Variants in GRM7 observed in about 807,000 individuals in gnomAD.
The protein encoded by GRM7 is metabotropic glutamate receptor 7.
A neutral mutation model predicts 84.5 loss-of-function variants in GRM7; 35 were observed. That is an observed-to-expected ratio of 0.41 (90% CI 0.32 to 0.55). The LOEUF is 0.55. GRM7 is among the 20% of genes least tolerant of loss of function. The probability of loss-of-function intolerance (pLI) is 0.19; values close to 1 mark genes in which losing one functional copy is unlikely to be tolerated. For missense variants in GRM7, 1,003 were observed against 1,194.6 expected, an observed-to-expected ratio of 0.84 and a Z score of 2.36; for synonymous variants, 487 against 455.1, an observed-to-expected ratio of 1.07 and a Z score of -0.89.
At chr3:7,547,805 A>C (rs1047875483) in intron 7 of GRM7, among the ~76,000 whole-genome samples, 3 of 152,258 alleles carry the variant, frequency 2.0e-5, no homozygotes, top group Non-Finnish European at 2.9e-5. Flanking sequence ...AGATAAAAGA[A>C]TAAATTCTCC....
intron 9 of GRM7, among the ~76,000 whole-genome samples, chr3:7,698,632 G>A (rs1701111001): frequency 1.3e-5 from 2 of 152,162 alleles, no homozygotes; most frequent in South Asian, 4.1e-4. Flanking sequence ...TTTCAACCAT[G>A]GCACTACTGA....
chr3:7,301,163 G>GC (rs1553553964), intron 3 of GRM7, among the ~76,000 whole-genome samples: 3 of 151,690 alleles, frequency 2.0e-5, no homozygotes, highest in Non-Finnish European at 4.4e-5. Context: ...TGCTCACGAT[G>GC]TTTTTTTCTC....
intron 8 of GRM7, among the ~76,000 whole-genome samples, chr3:7,601,424 G>A (rs542603713): frequency 4.0e-5 from 6 of 151,850 alleles, no homozygotes; most frequent in Admixed American, 3.3e-4. Flanking sequence ...CAAGGTTCTT[G>A]GTAAACTTCA....
intron 7 of GRM7, among the ~76,000 whole-genome samples, chr3:7,464,692 G>A (rs796658176): frequency 3.3e-5 from 5 of 152,154 alleles, no homozygotes; most frequent in African/African-American, 1.2e-4. Flanking sequence ...GCCGGGCATG[G>A]TGGCGGGCGC....
At chr3:6,990,658 A>C (rs79289302) in intron 1 of GRM7, among the ~76,000 whole-genome samples, 1 of 152,090 alleles carries the variant, frequency 6.6e-6, no homozygotes, top group Non-Finnish European at 1.5e-5. Flanking sequence ...CTTTACATAG[A>C]TCTATTCATT....
intron 2 of GRM7, among the ~76,000 whole-genome samples, chr3:7,281,066 T>C (rs1293690296): frequency 6.6e-6 from 1 of 152,188 alleles, no homozygotes; most frequent in African/African-American, 2.4e-5. Context: ...TCTTTGGTGC[T>C]CTCAAGTTTT....
In GRM7 at chr3:7,120,019, C is replaced by A. The variant is rs1693166155; in HGVS notation, c.520-26433C>A. The stretch of plus-strand genomic sequence containing the variant: ...AGATGATGACTTTTTTCTTTCCTCA[C>A]AGTCCTACAAATAAATCCTAGGAGA... On this transcript the variant is annotated intron_variant, in intron 1 of 9. Transcript: ENST00000357716. Among the ~76,000 whole-genome samples, 3 of 151,976 alleles carry A rather than the reference C, an allele frequency of 2.0e-5. No homozygotes were observed. In the South Asian group the frequency reaches 6.2e-4, roughly 31 times the overall value.
At chr3:7,354,781 T>C (rs1693317964) in intron 4 of GRM7, among the ~76,000 whole-genome samples, 1 of 152,168 alleles carries the variant, frequency 6.6e-6, no homozygotes, top group East Asian at 1.9e-4. Context: ...TTAACACATC[T>C]TCTGGTACCT....
intron 8 of GRM7, among the ~76,000 whole-genome samples, chr3:7,648,888 G>T (rs1230086826): frequency 6.6e-6 from 1 of 152,158 alleles, no homozygotes; most frequent in African/African-American, 2.4e-5. Context: ...GTCAAGTACG[G>T]CTTGCTAATA....
rs1023402834 is a variant in GRM7 at position 6,983,685 on chromosome 3, T to C, written c.519+121778T>C. ...TGTTTTCTGGCTTGACATTGAACCA[T>C]GCAGTTCATCTATAAGTTAAACATT... On this transcript the variant is annotated intron_variant, in intron 1 of 9. Transcript: ENST00000357716. 8.5e-5 allele frequency among the ~76,000 whole-genome samples: 13 copies of C among 152,280 alleles called. 1 individual carries two copies. The highest frequency in any genetic ancestry group is 2.1e-4 in the South Asian group (1 of 4,832).
intron 5 of GRM7, among the ~76,000 whole-genome samples, chr3:7,428,946 A>T (rs1696719344): frequency 6.6e-6 from 1 of 152,212 alleles, no homozygotes; most frequent in South Asian, 2.1e-4. Flanking sequence ...AGGTATGTTT[A>T]AAACACATCA....
At chr3:6,879,943 G>A (rs1225968953) in intron 1 of GRM7, among the ~76,000 whole-genome samples, 1 of 152,202 alleles carries the variant, frequency 6.6e-6, no homozygotes, top group African/African-American at 2.4e-5. Flanking sequence ...AGAGTTGCAA[G>A]ACGGCTACTG....
chr3:7,135,636 A>G (rs962910179), intron 1 of GRM7, among the ~76,000 whole-genome samples: 3 of 152,154 alleles, frequency 2.0e-5, no homozygotes, highest in African/African-American at 7.2e-5. Context: ...TGCTACAGGC[A>G]ATGTGTTTAT....
intron 4 of GRM7, among the ~76,000 whole-genome samples, chr3:7,321,930 G>C (rs1190251433): frequency 6.6e-6 from 1 of 152,012 alleles, no homozygotes; most frequent in African/African-American, 2.4e-5. Flanking sequence ...GTTACACCTG[G>C]CCTCCATATG....
intron 1 of GRM7, among the ~76,000 whole-genome samples, chr3:6,913,036 A>G (rs1451841091): frequency 6.6e-6 from 1 of 152,170 alleles, no homozygotes; most frequent in African/African-American, 2.4e-5. Flanking sequence ...GTTCAAATCA[A>G]ACAGGATTCT....
chr3:7,156,455 G>T (rs1470231742), intron 2 of GRM7, among the ~76,000 whole-genome samples: 3 of 152,178 alleles, frequency 2.0e-5, no homozygotes, highest in Non-Finnish European at 4.4e-5. Flanking sequence ...ATGGCTTTGG[G>T]TGGCAACCGG....
chr3:7,232,030 G>A (rs1176934472), intron 2 of GRM7, among the ~76,000 whole-genome samples: 1 of 152,142 alleles, frequency 6.6e-6, no homozygotes, highest in Non-Finnish European at 1.5e-5. Flanking sequence ...ATTGAAATAA[G>A]TGATGAATTC....
intron 7 of GRM7, among the ~76,000 whole-genome samples, chr3:7,502,859 C>G (rs1168280722): frequency 6.6e-6 from 1 of 152,116 alleles, no homozygotes; most frequent in African/African-American, 2.4e-5. Flanking sequence ...CATTTTAATT[C>G]TAACGCAACC....
At chr3:7,198,051 G>C (rs989338096) in intron 2 of GRM7, among the ~76,000 whole-genome samples, 3 of 151,868 alleles carry the variant, frequency 2.0e-5, no homozygotes, top group Non-Finnish European at 4.4e-5. Context: ...GGAAGTAGTG[G>C]AGAGCCAAGA....
Sources: allele counts gnomAD v4.1 joint callset (sites outside exome capture counted in the v4.1 genomes callset), GRCh38; gene constraint gnomAD v4.1.1; transcripts MANE v1.5; gene names NCBI Gene and HGNC (gene_info 2026-07-23, HGNC 2026-07-21).